The following ATRN variants were observed in gnomAD, a reference collection of about 807,000 sequenced individuals.
ATRN encodes the protein attractin-2.
ATRN carries 54 observed loss-of-function variants against 178.7 expected under a neutral mutation model. The observed-to-expected ratio is 0.30, with a 90% CI of 0.24 to 0.38. The LOEUF (loss-of-function observed/expected upper bound fraction) is 0.38. ATRN is among the 10% of genes least tolerant of loss of function. ATRN has a pLI of 1.00. For synonymous variants in ATRN, 636 were observed against 663.0 expected (o/e 0.96, Z 0.63); for missense variants, 1,443 against 1,815.1 (o/e 0.79, Z 3.73).
chr20:3,532,917 C>G (rs1240301140), intron 1 of ATRN, among the ~76,000 whole-genome samples: 2 of 152,192 alleles, frequency 1.3e-5, no homozygotes, highest in Non-Finnish European at 2.9e-5. Flanking sequence ...CGCCCACCAC[C>G]ACGCCCAGCT....
intron 18 of ATRN, among the ~76,000 whole-genome samples, chr20:3,585,908 A>G (rs1208279675): frequency 6.6e-6 from 1 of 152,178 alleles, no homozygotes; most frequent in Non-Finnish European, 1.5e-5. Context: ...CTTTACACCC[A>G]CTGAGATGGC....
chr20:3,539,690 T>C (rs2085591174), intron 2 of ATRN, among the ~76,000 whole-genome samples: 5 of 151,962 alleles, frequency 3.3e-5, no homozygotes, highest in Admixed American at 3.3e-4. Context: ...GTCTACCCAG[T>C]GGTGTGGTAT....
At chr20:3,588,154 A>G (rs1327807274) in intron 18 of ATRN, among the ~76,000 whole-genome samples, 2 of 152,130 alleles carry the variant, frequency 1.3e-5, no homozygotes, top group Non-Finnish European at 2.9e-5. Flanking sequence ...GGCCCTTGCC[A>G]TCTTAACAAG....
chr20:3,593,446 G>A (rs1292325727), intron 19 of ATRN, among the ~76,000 whole-genome samples: 2 of 152,170 alleles, frequency 1.3e-5, no homozygotes, highest in Non-Finnish European at 2.9e-5. Flanking sequence ...AGGTACTGTT[G>A]TTATCCCCAT....
chr20:3,487,915 G>T (rs1250846755), intron 1 of ATRN, among the ~76,000 whole-genome samples: 1 of 152,034 alleles, frequency 6.6e-6, no homozygotes, highest in Non-Finnish European at 1.5e-5. Context: ...GCTCTTTAAG[G>T]GTTCCACCCT....
intron 6 of ATRN, among the ~76,000 whole-genome samples, chr20:3,555,531 A>G (rs904302051): frequency 7.0e-6 from 1 of 142,042 alleles, no homozygotes; most frequent in South Asian, 2.4e-4. Context: ...AAATTAGAAT[A>G]TGATCTGAGC....
At chr20:3,569,844 G>A (rs2086093292) in intron 11 of ATRN, among the ~76,000 whole-genome samples, 1 of 152,190 alleles carries the variant, frequency 6.6e-6, no homozygotes, top group African/African-American at 2.4e-5. Flanking sequence ...GCCAAGGCAG[G>A]AGGATTGCTT....
chr20:3,521,869 A>G lies in ATRN; in HGVS notation c.411-13384A>G, dbSNP rs567119956. On this transcript the variant is annotated intron_variant, in intron 1 of 28. Transcript: ENST00000262919. ...GGGATTGTAGCTCACTGCAGCCTCT[A>G]TCTCTGGGCTCAAATGATTCTCTCA... 6.6e-5 allele frequency among the ~76,000 whole-genome samples: 10 copies of G among 152,142 alleles called. No individual in the cohort carries two copies. In the East Asian group the frequency reaches 1.4e-3, roughly 21 times the overall value.
intron 1 of ATRN, chr20:3,490,205 A>T: frequency 6.6e-7 from 1 of 1,522,104 alleles, no homozygotes; most frequent in East Asian, 2.3e-5. Flanking sequence ...GCCACATTTC[A>T]AGCCTAAAGC....
At chr20:3,605,767 G>A (rs571009644) in intron 24 of ATRN, among the ~76,000 whole-genome samples, 1 of 152,272 alleles carries the variant, frequency 6.6e-6, no homozygotes, top group Non-Finnish European at 1.5e-5. Flanking sequence ...GGGGAGGAAG[G>A]AGAGCATCAG....
At chr20:3,507,103 A>G (rs549630318) in intron 1 of ATRN, among the ~76,000 whole-genome samples, 1 of 151,870 alleles carries the variant, frequency 6.6e-6, no homozygotes, top group East Asian at 2.0e-4. Context: ...CACCAACCTA[A>G]TATTTAATAA....
intron 27 of ATRN, among the ~76,000 whole-genome samples, chr20:3,639,373 C>T (rs2087050059): frequency 6.6e-6 from 1 of 152,108 alleles, no homozygotes; most frequent in Non-Finnish European, 1.5e-5. Context: ...TTGCCCCAGC[C>T]TCCTGAGTTG....
intron 8 of ATRN, among the ~76,000 whole-genome samples, chr20:3,561,704 G>A (rs1050752178): frequency 6.6e-6 from 1 of 152,194 alleles, no homozygotes; most frequent in African/African-American, 2.4e-5. Context: ...ACCAAAGGTT[G>A]TAGGGAATTA....
At chr20:3,492,870 C>CGT (rs570300471) in intron 1 of ATRN, among the ~76,000 whole-genome samples, 3 of 113,296 alleles carry the variant, frequency 2.6e-5, no homozygotes, top group African/African-American at 4.0e-5. Context: ...CGCGCGCGTG[C>CGT]GCACGCACAC....
chr20:3,562,137 T>C (rs2085961235), intron 8 of ATRN, 139 bp from the exon 9 acceptor site: 2 of 725,506 alleles, frequency 2.8e-6, no homozygotes, highest in Middle Eastern at 4.3e-4. Context: ...TTAGGTGGCT[T>C]TCTTTAAAAT....
chr20:3,594,646 C>A, intron 20 of ATRN, 74 bp downstream of exon 20: 1 of 1,217,982 alleles, frequency 8.2e-7, no homozygotes, highest in Non-Finnish European at 1.2e-6. Context: ...ACCCTGAGAG[C>A]CACCCACTTC....
intron 27 of ATRN, among the ~76,000 whole-genome samples, chr20:3,643,062 G>T (rs994047938): frequency 1.3e-5 from 2 of 152,172 alleles, no homozygotes; most frequent in African/African-American, 4.8e-5. Flanking sequence ...TTGGGCTCAA[G>T]GGATCCTCCC....
chr20:3,499,807 T>C (rs1156694596), intron 1 of ATRN, among the ~76,000 whole-genome samples: 2 of 150,036 alleles, frequency 1.3e-5, no homozygotes, highest in Non-Finnish European at 3.0e-5. Flanking sequence ...CCAAAAGCAA[T>C]GGCAACAAAA....
chr20:3,614,701 G>A (rs904562227), intron 24 of ATRN, among the ~76,000 whole-genome samples: 1 of 152,142 alleles, frequency 6.6e-6, no homozygotes, highest in Non-Finnish European at 1.5e-5. Context: ...GTGGTTTTCA[G>A]TGTATTCACA....
Sources: gnomAD v4.1 joint callset for allele counts (sites outside exome capture counted in the v4.1 genomes callset) on GRCh38, gnomAD v4.1.1 for gene constraint, MANE v1.5 for transcripts, NCBI Gene and HGNC (gene_info 2026-07-23, HGNC 2026-07-21) for gene names.